TUT4: variants seen among roughly 807,000 people sequenced by gnomAD.
TUT4 encodes the protein terminal uridylyl transferase 4.
A neutral mutation model predicts 192.2 loss-of-function variants in TUT4; 36 were observed. The observed-to-expected ratio is 0.19, with a 90% CI of 0.14 to 0.25. The LOEUF is 0.25. TUT4 is among the 10% of genes least tolerant of loss of function. TUT4 has a pLI of 1.00. For missense variants in TUT4, 1,493 were observed against 1,957.2 expected, an observed-to-expected ratio of 0.76 and a Z score of 4.47; for synonymous variants, 618 against 666.0, an observed-to-expected ratio of 0.93 and a Z score of 1.11.
At chr1:52,468,976 T>C (rs2148810224) in intron 14 of TUT4, among the ~76,000 whole-genome samples, 1 of 152,326 alleles carries the variant, frequency 6.6e-6, no homozygotes, top group South Asian at 2.1e-4. Flanking sequence ...TTATAATGAA[T>C]TAAACTAATA....
intron 2 of TUT4, among the ~76,000 whole-genome samples, chr1:52,521,951 C>G (rs758529459): frequency 6.6e-6 from 1 of 151,798 alleles, no homozygotes; most frequent in Non-Finnish European, 1.5e-5. Flanking sequence ...GGCAAAAGAG[C>G]AAGACTCTGT....
chr1:52,517,324 T>G (rs1678980957), intron 2 of TUT4, among the ~76,000 whole-genome samples: 1 of 152,234 alleles, frequency 6.6e-6, no homozygotes, highest in South Asian at 2.1e-4. Flanking sequence ...TAATGCTCTG[T>G]GTCATGTTGA....
intron 4 of TUT4, among the ~76,000 whole-genome samples, chr1:52,499,139 CTGTAATTCCAGCAACT>C (rs1673410965): frequency 6.6e-6 from 1 of 151,424 alleles, no homozygotes; most frequent in South Asian, 2.1e-4. Flanking sequence ...TAGCCCACAC[CTGTAATTCCAGCAACT>C]TGAGAAGCCA....
rs546468952 is a variant in TUT4, at chr1:52,426,137, T to A, written c.4712-630A>T. ...ATCTTGGCCTGGAAGGAGATCCTATTACAAGCTTGAGGCATTGTGGCATAA... is the reference window on the plus strand; with the variant it reads ...ATCTTGGCCTGGAAGGAGATCCTATAACAAGCTTGAGGCATTGTGGCATAA... On this transcript the variant is annotated intron_variant, in intron 28 of 29. Transcript: ENST00000257177. Among the ~76,000 whole-genome samples the A allele has an allele frequency of 6.6e-5, 10 of 152,310 alleles. No individual in the cohort carries two copies. The South Asian group carries it at 2.1e-3, about 32-fold the overall frequency.
intron 1 of TUT4, among the ~76,000 whole-genome samples, chr1:52,531,408 C>G (rs888297332): frequency 6.6e-6 from 1 of 151,830 alleles, no homozygotes; most frequent in African/African-American, 2.4e-5. Context: ...TGAAAGTGAT[C>G]CTGAAAGCAG....
chr1:52,439,093 T>TAAAAAAAAA (rs1654714194), intron 24 of TUT4, among the ~76,000 whole-genome samples: 1 of 126,624 alleles, frequency 7.9e-6, no homozygotes, highest in African/African-American at 3.0e-5. Context: ...AAAAAAAAAG[T>TAAAAAAAAA]CTGTAGTCCC....
chr1:52,519,927 G>A (rs1256066933), intron 2 of TUT4, among the ~76,000 whole-genome samples: 1 of 145,034 alleles, frequency 6.9e-6, no homozygotes, highest in East Asian at 1.9e-4. Flanking sequence ...GCTGAGGCAG[G>A]AGAATTGCTT....
intron 1 of TUT4, among the ~76,000 whole-genome samples, chr1:52,544,111 C>A (rs933701687): frequency 1.3e-5 from 2 of 151,728 alleles, no homozygotes; most frequent in African/African-American, 2.4e-5. Flanking sequence ...CATGGTGAAA[C>A]CCCGTCTCTA....
chr1:52,476,825 A>T (rs1667210253), intron 12 of TUT4, among the ~76,000 whole-genome samples: 1 of 152,234 alleles, frequency 6.6e-6, no homozygotes, highest in Admixed American at 6.5e-5. Flanking sequence ...GAATGGAATA[A>T]TATGTAGGCT....
At chr1:52,540,009 G>A (rs1686088722) in intron 1 of TUT4, among the ~76,000 whole-genome samples, 3 of 151,190 alleles carry the variant, frequency 2.0e-5, no homozygotes, top group South Asian at 2.1e-4. Context: ...ACGAGGTCAG[G>A]AGATCGAGAC....
At chr1:52,494,526 T>C (rs1671984632) in intron 6 of TUT4, among the ~76,000 whole-genome samples, 1 of 152,092 alleles carries the variant, frequency 6.6e-6, no homozygotes, top group South Asian at 2.1e-4. Context: ...ACCCCGTTTC[T>C]ACTAAAAATA....
chr1:52,496,014 G>C (rs1010064078), intron 5 of TUT4, among the ~76,000 whole-genome samples: 2 of 151,532 alleles, frequency 1.3e-5, no homozygotes, highest in African/African-American at 4.8e-5. Context: ...AGAGTTTATA[G>C]AAAAAAAAGA....
Position 52,425,506 on chromosome 1 carries a change from C to A in TUT4, c.4713G>T (p.Glu1571Asp). The change falls in exon 29 of 30, where the codon GAG (glutamate) becomes GAT (aspartate). Residue 1571 changes from glutamate to aspartate, a missense_variant and splice_region_variant. Physicochemically the swap from Glu to Asp is conservative, Grantham distance 45 (BLOSUM62 2). Around this residue, in one of 7 missense-constraint regions of TUT4, gnomAD observed 351 missense variants for 397.8 expected, o/e 0.88. Transcript: ENST00000257177. ...LVNSGAVGNS[E>D]PGFRGLTPPI... is the part of the protein sequence containing the mutation. ...GAGGAGTCAGTCCTCGAAAGCCTGG[C>A]TCTGCATTTCAACAAGAGGGAAAAA... 6.2e-7 allele frequency: 1 copy of A among 1,606,644 alleles called. No individual in the cohort carries two copies.
chr1:52,522,950 G>C (rs1571256852), intron 2 of TUT4, among the ~76,000 whole-genome samples: 1 of 131,476 alleles, frequency 7.6e-6, no homozygotes, highest in African/African-American at 2.8e-5. Context: ...TTTAAATCAT[G>C]TTTTTCACCA....
At chr1:52,508,900 C>T (rs781515879) in intron 4 of TUT4, among the ~76,000 whole-genome samples, 1 of 152,112 alleles carries the variant, frequency 6.6e-6, no homozygotes, top group Non-Finnish European at 1.5e-5. Context: ...TACAAATTCC[C>T]GAAGCTTATA....
intron 4 of TUT4, among the ~76,000 whole-genome samples, chr1:52,501,268 AAAC>A (rs1674003327): frequency 6.6e-6 from 1 of 152,218 alleles, no homozygotes; most frequent in African/African-American, 2.4e-5. Context: ...ATAAGAAAAC[AAAC>A]AACCCAATTC....
At chr1:52,533,778 G>T (rs894726016) in intron 1 of TUT4, among the ~76,000 whole-genome samples, 3 of 152,046 alleles carry the variant, frequency 2.0e-5, no homozygotes, top group Admixed American at 6.6e-5. Context: ...GACTGGCCTG[G>T]CATGGCGAAA....
intron 3 of TUT4, among the ~76,000 whole-genome samples, chr1:52,512,562 C>A (rs1677483358): frequency 6.6e-6 from 1 of 152,154 alleles, no homozygotes; most frequent in Non-Finnish European, 1.5e-5. Context: ...ATATTGGGCA[C>A]AACATCAAAT....
At chr1:52,545,990 T>C (rs1315734977) in intron 1 of TUT4, among the ~76,000 whole-genome samples, 1 of 124,090 alleles carries the variant, frequency 8.1e-6, no homozygotes, top group African/African-American at 3.7e-5. Context: ...AAAAAAAAAA[T>C]TGGCCAGGTG....
Sources: allele counts gnomAD v4.1 joint callset (sites outside exome capture counted in the v4.1 genomes callset), GRCh38; gene constraint gnomAD v4.1.1; regional missense constraint gnomAD v4.1.1; transcripts MANE v1.5; gene names NCBI Gene and HGNC (gene_info 2026-07-23, HGNC 2026-07-21).